The following INVS variants were observed in gnomAD, a reference collection of about 807,000 sequenced individuals.
INVS encodes the protein inversin, also known as inversion of embryo turning homolog.
A neutral mutation model predicts 108.8 loss-of-function variants in INVS; 86 were observed. The observed-to-expected ratio is 0.79, with a 90% CI of 0.66 to 0.95. INVS has a LOEUF of 0.95. Among genes scored for constraint, INVS ranks in the 40% least tolerant of loss-of-function variants. INVS has a pLI of 0.00. For missense variants in INVS, 1,169 were observed against 1,297.4 expected, an observed-to-expected ratio of 0.90 and a Z score of 1.52; for synonymous variants, 455 against 473.5, an observed-to-expected ratio of 0.96 and a Z score of 0.51.
chr9:100,136,014 C>G (rs189188109), intron 3 of INVS, among the ~76,000 whole-genome samples: 1 of 152,018 alleles, frequency 6.6e-6, no homozygotes, highest in Admixed American at 6.6e-5. Context: ...TTTGTTTCAT[C>G]TTTTTTACTA....
Position 100,193,216 on chromosome 9 carries a change from A to G in INVS, c.274-32846A>G, listed in dbSNP as rs1830277420. ...GCTGGTCTTATACTGCTGGCCATGA[A>G]CAATTCTCCCACCTTGGCTGCCCAA... On this transcript the variant is annotated intron_variant, in intron 3 of 16. Coordinates refer to ENST00000262457, the MANE Select transcript of INVS (RefSeq NM_014425.5). Among the ~76,000 whole-genome samples, 7 of 152,158 alleles carry G rather than the reference A, an allele frequency of 4.6e-5. No individual in the cohort carries two copies. The South Asian group carries it at 1.5e-3, about 32-fold the overall frequency.
At chr9:100,268,291 T>C (rs1832853234) in intron 11 of INVS, among the ~76,000 whole-genome samples, 1 of 152,212 alleles carries the variant, frequency 6.6e-6, no homozygotes, top group South Asian at 2.1e-4. Flanking sequence ...GGATTCATTT[T>C]CTTAATTACT....
At position 100,300,646 on chromosome 9, in the gene INVS, C is replaced by G; in HGVS notation, c.3170C>G (p.Thr1057Ser). The G allele has an allele frequency of 6.2e-7, 1 of 1,613,736 alleles. No individual in the cohort carries two copies. Among genetic ancestry groups the G allele is most frequent in the Non-Finnish European group, 8.5e-7 (1 of 1,179,740 alleles). ...TTTTCTTATAACCTGCAATCAGCTA[C>G]TCAGCCAAAAAACAAAACAAAACCT... The part of the protein sequence containing the change: ...KNFSYNLQSA[T>S]QPKNKTKP The change falls in exon 17 of 17, where the codon ACT becomes AGT. Residue 1057 changes from threonine (T) to serine (S), a missense_variant. Coordinates refer to ENST00000262457, the MANE Select transcript of INVS (RefSeq NM_014425.5).
intron 2 of INVS, among the ~76,000 whole-genome samples, chr9:100,111,412 C>T (rs767840648): frequency 6.6e-6 from 1 of 152,214 alleles, no homozygotes; most frequent in Non-Finnish European, 1.5e-5. Context: ...TAACTGAATG[C>T]GGTAGAGCAG....
intron 3 of INVS, among the ~76,000 whole-genome samples, chr9:100,160,535 T>C (rs1588049601): frequency 6.6e-6 from 1 of 152,304 alleles, no homozygotes; most frequent in Non-Finnish European, 1.5e-5. Context: ...ATTCTCCTCA[T>C]AACTCAGTTG....
At chr9:100,146,871 T>G (rs1828635573) in intron 3 of INVS, among the ~76,000 whole-genome samples, 1 of 152,234 alleles carries the variant, frequency 6.6e-6, no homozygotes, top group Non-Finnish European at 1.5e-5. Flanking sequence ...TCCACTATTG[T>G]GAATAGTGCT....
rs112573051 is a variant in INVS, at chr9:100,229,649, C to T, written c.448-11C>T. The T allele has an allele frequency of 2.5e-5, 41 of 1,613,244 alleles. 1 individual carries two copies. The South Asian group carries it at 4.1e-4, about 16-fold the overall frequency. On this transcript the variant is annotated splice_polypyrimidine_tract_variant and intron_variant, in intron 4 of 16. Coordinates refer to ENST00000262457, the MANE Select transcript of INVS (RefSeq NM_014425.5). Reference sequence around the variant, plus strand: ...TACTGTTGTTATTTCGAGAACCTCTCGATTTTGCAGCAAACAGCTCTGCAT... The same window carrying T: ...TACTGTTGTTATTTCGAGAACCTCTTGATTTTGCAGCAAACAGCTCTGCAT...
intron 13 of INVS, among the ~76,000 whole-genome samples, chr9:100,290,988 C>A (rs1297881500): frequency 6.6e-6 from 1 of 152,196 alleles, no homozygotes; most frequent in Non-Finnish European, 1.5e-5. Flanking sequence ...GCTGGGCCCA[C>A]TGCACCCAGC....
chr9:100,227,991 CTTTTTTTTT>C (rs33912012), intron 4 of INVS, among the ~76,000 whole-genome samples: 1 of 133,450 alleles, frequency 7.5e-6, no homozygotes, highest in African/African-American at 2.8e-5. Context: ...TTCTTTCTTT[CTTTTTTTTT>C]TTTTTTTTGA....
intron 7 of INVS, among the ~76,000 whole-genome samples, chr9:100,243,135 A>T (rs934266208): frequency 7.8e-4 from 119 of 152,166 alleles, no homozygotes; most frequent in African/African-American, 2.8e-3. Context: ...AGAATACTTC[A>T]TCTTTATATT....
At chr9:100,202,056 C>T (rs910824988) in intron 3 of INVS, among the ~76,000 whole-genome samples, 2 of 150,334 alleles carry the variant, frequency 1.3e-5, no homozygotes. Context: ...TTCCATTATT[C>T]TTCTGACTGG....
intron 13 of INVS, among the ~76,000 whole-genome samples, chr9:100,289,705 T>G (rs1052160497): frequency 2.0e-5 from 3 of 152,218 alleles, no homozygotes; most frequent in African/African-American, 7.2e-5. Context: ...CATATATTGT[T>G]CTCAGAGCAG....
chr9:100,279,253 T>C (rs1261443371), intron 12 of INVS, among the ~76,000 whole-genome samples: 1 of 152,176 alleles, frequency 6.6e-6, no homozygotes, highest in Non-Finnish European at 1.5e-5. Context: ...AATGTGGAGA[T>C]GGGCACACAA....
At chr9:100,170,509 A>G (rs959125342) in intron 3 of INVS, among the ~76,000 whole-genome samples, 72 of 152,040 alleles carry the variant, frequency 4.7e-4, no homozygotes, top group African/African-American at 1.7e-3. Flanking sequence ...AGGCTGCAGC[A>G]AGCTGTAATC....
chr9:100,270,542 C>T (rs1832919657), intron 11 of INVS, among the ~76,000 whole-genome samples: 3 of 151,654 alleles, frequency 2.0e-5, no homozygotes, highest in South Asian at 4.2e-4. Flanking sequence ...GTCAGGAGTT[C>T]GAGACCAGCC....
chr9:100,209,709 G>A (rs1020960927), intron 3 of INVS, among the ~76,000 whole-genome samples: 1 of 144,450 alleles, frequency 6.9e-6, no homozygotes, highest in Non-Finnish European at 1.5e-5. Flanking sequence ...GGCAGAGCTT[G>A]CAGTGAGCCG....
chr9:100,263,228 A>G (rs2118621539), intron 10 of INVS, among the ~76,000 whole-genome samples: 1 of 151,728 alleles, frequency 6.6e-6, no homozygotes. Flanking sequence ...AATTGATTAT[A>G]TTAGTTATGT....
intron 3 of INVS, among the ~76,000 whole-genome samples, chr9:100,159,944 A>G (rs1018102731): frequency 6.6e-6 from 1 of 152,268 alleles, no homozygotes; most frequent in Non-Finnish European, 1.5e-5. Context: ...CATCTCCCCA[A>G]ACTATGTGTC....
At position 100,284,667 on chromosome 9, in the gene INVS, A is replaced by C. The variant is rs1398536298; in HGVS notation, c.2068+64A>C. ...GACTGTGGGCTTTTTTGATTGGTGT[A>C]TTTAGACCAATTACACTTAAGATAA... On this transcript the variant is annotated intron_variant, in intron 13 of 16. Transcript: ENST00000262457. 2.0e-6 allele frequency: 3 copies of C among 1,510,206 alleles called. No individual in the cohort carries two copies. The African/African-American group carries it at 4.1e-5, about 21-fold the overall frequency. The allele number at this position is 1,510,206 out of a possible 1,614,324, so 93.6% of individuals were successfully genotyped here.
Sources: gnomAD v4.1 joint callset for allele counts (sites outside exome capture counted in the v4.1 genomes callset) on GRCh38, gnomAD v4.1.1 for gene constraint, MANE v1.5 for transcripts, NCBI Gene and HGNC (gene_info 2026-07-23, HGNC 2026-07-21) for gene names.